Variants in GALNT10 observed in about 807,000 individuals in gnomAD.
GALNT10 encodes the protein polypeptide N-acetylgalactosaminyltransferase 10.
A neutral mutation model predicts 75.0 loss-of-function variants in GALNT10; 41 were observed. The observed-to-expected ratio is 0.55, with a 90% CI of 0.43 to 0.71. The LOEUF (loss-of-function observed/expected upper bound fraction) is 0.71, where lower values mean the gene tolerates loss of function less well. Ranked by LOEUF, GALNT10 falls within the 30% of genes least tolerant of loss-of-function variation. The probability of loss-of-function intolerance (pLI) is 0.00; values close to 1 mark genes in which losing one functional copy is unlikely to be tolerated. For missense variants in GALNT10, 727 were observed against 818.5 expected (o/e 0.89, Z 1.36); for synonymous variants, 302 against 313.0 (o/e 0.96, Z 0.37).
rs1756539651 is a variant in GALNT10 at position 154,417,535 on chromosome 5, G to C, written c.*563G>C. 1.3e-5 allele frequency: 2 copies of C among 153,938 alleles called. No individual in the cohort carries two copies. The highest frequency in any genetic ancestry group is 1.3e-4 in the Admixed American group (2 of 15,676). 9.5% of individuals were successfully genotyped at this position (153,938 alleles called of 1,614,324 possible). A position where few individuals can be genotyped will look rare whatever the true frequency, so the allele number is the denominator to read the frequency against. On this transcript the variant is annotated 3_prime_UTR_variant, in exon 12 of 12. Coordinates refer to ENST00000297107, the MANE Select transcript of GALNT10 (RefSeq NM_198321.4). Reference sequence around the variant, plus strand: ...GCTTCTGTTCTCTGTCACAACCCCAGGTGATTTGGTCCGGTCAAAGGCCAT... The same window carrying C: ...GCTTCTGTTCTCTGTCACAACCCCACGTGATTTGGTCCGGTCAAAGGCCAT...
At chr5:154,358,926 A>C in intron 4 of GALNT10, among the ~76,000 whole-genome samples, 1 of 152,266 alleles carries the variant, frequency 6.6e-6, no homozygotes, top group South Asian at 2.1e-4. Context: ...CCCCTGCCTC[A>C]TTGAATATGC....
chr5:154,363,736 A>G (rs929727743), intron 4 of GALNT10, among the ~76,000 whole-genome samples: 2 of 152,242 alleles, frequency 1.3e-5, no homozygotes, highest in Admixed American at 6.5e-5. Flanking sequence ...CATTTTATTG[A>G]TAAATATCCT....
chr5:154,401,235 C>T (rs928599950), intron 7 of GALNT10, among the ~76,000 whole-genome samples: 19 of 152,200 alleles, frequency 1.2e-4, no homozygotes, highest in Admixed American at 9.8e-4. Context: ...GTGCCTCTGC[C>T]AAGCAGAGCT....
intron 1 of GALNT10, among the ~76,000 whole-genome samples, chr5:154,222,508 G>GAT (rs890599104): frequency 2.6e-5 from 4 of 152,000 alleles, no homozygotes; most frequent in African/African-American, 4.8e-5. Context: ...TGGATTGTAT[G>GAT]GTATATATAT....
rs140190786 is a variant in GALNT10 at position 154,217,847 on chromosome 5, T to A, written c.159+26822T>A. 70 of 215,690 alleles carry A rather than the reference T, an allele frequency of 3.2e-4. 1 individual carries two copies. The East Asian group carries it at 0.012, about 37-fold the overall frequency. 13.4% of individuals were successfully genotyped at this position (215,690 alleles called of 1,614,324 possible). On this transcript the variant is annotated intron_variant, in intron 1 of 11. Transcript: ENST00000297107. ...AGACTGTATGGAGAGGGCTTGTGCC[T>A]TGCACATTGTAAGAGCTCAAAAATA...
In GALNT10 at chr5:154,310,885, A is replaced by G. The variant is rs550592028; in HGVS notation, c.401+12806A>G. On this transcript the variant is annotated intron_variant, in intron 3 of 11. Transcript: ENST00000297107. ...TAACAGTTATTGATCCATTGGACCT[A>G]ATATTGAGATTTAAAGGTGCTCATA... Among the ~76,000 whole-genome samples, 134 of 152,342 alleles carry G rather than the reference A, an allele frequency of 8.8e-4. 1 individual carries two copies. Among genetic ancestry groups the G allele is most frequent in the African/African-American group, 3.1e-3 (127 of 41,584 alleles).
At chr5:154,324,754 G>T (rs1754731453) in intron 3 of GALNT10, among the ~76,000 whole-genome samples, 1 of 152,120 alleles carries the variant, frequency 6.6e-6, no homozygotes, top group Non-Finnish European at 1.5e-5. Context: ...AGAACCTCTC[G>T]GTGATGCTAC....
Position 154,207,678 on chromosome 5 carries a change from G to A in GALNT10, c.159+16653G>A, listed in dbSNP as rs866865597. On this transcript the variant is annotated intron_variant, in intron 1 of 11. Transcript: ENST00000297107. ...GGATGGTTTAGCCAGACAGGGAAAT[G>A]GCTGGGCAGGGGGTGGGTAGTGAAG... Among the ~76,000 whole-genome samples, 14 of 152,282 alleles carry A rather than the reference G, an allele frequency of 9.2e-5. 1 individual carries two copies. The South Asian group carries it at 2.5e-3, about 27-fold the overall frequency.
At chr5:154,217,402 G>A (rs1398368229) in intron 1 of GALNT10, among the ~76,000 whole-genome samples, 1 of 152,150 alleles carries the variant, frequency 6.6e-6, no homozygotes, top group Non-Finnish European at 1.5e-5. Flanking sequence ...TACAGGGTTT[G>A]TTGTGAGGGG....
At position 154,221,642 on chromosome 5, in the gene GALNT10, A is replaced by G. The variant is rs570272174; in HGVS notation, c.159+30617A>G. Among the ~76,000 whole-genome samples the G allele has an allele frequency of 1.4e-4, 22 of 152,348 alleles. No individual in the cohort carries two copies. The South Asian group carries it at 4.6e-3, about 32-fold the overall frequency. On this transcript the variant is annotated intron_variant, in intron 1 of 11. Transcript: ENST00000297107. ...AGGAAAAGGAAAAAAAACCACAGGA[A>G]TGCAACCTGACATCTCTCTCAGGCT...
chr5:154,225,094 TTTTG>T (rs1753041098), intron 1 of GALNT10, among the ~76,000 whole-genome samples: 1 of 150,856 alleles, frequency 6.6e-6, no homozygotes, highest in Admixed American at 6.6e-5. Context: ...TTTGGGGTTT[TTTTG>T]TTTGTTTTTT....
intron 4 of GALNT10, among the ~76,000 whole-genome samples, chr5:154,339,161 C>G (rs1178540667): frequency 1.3e-5 from 2 of 152,162 alleles, no homozygotes; most frequent in Non-Finnish European, 1.5e-5. Context: ...GCTTACCTAC[C>G]CTCATAATCA....
intron 3 of GALNT10, among the ~76,000 whole-genome samples, chr5:154,327,517 A>T (rs1754773100): frequency 6.6e-6 from 1 of 152,232 alleles, no homozygotes; most frequent in Admixed American, 6.5e-5. Flanking sequence ...CCTTTTGGCT[A>T]AAGATGGGTT....
intron 1 of GALNT10, among the ~76,000 whole-genome samples, chr5:154,234,690 T>C (rs1243863728): frequency 6.6e-6 from 1 of 152,244 alleles, no homozygotes; most frequent in Non-Finnish European, 1.5e-5. Context: ...GACCAGTGCA[T>C]ATGCACAGGG....
chr5:154,213,942 A>G (rs765450503), intron 1 of GALNT10, among the ~76,000 whole-genome samples: 20 of 152,118 alleles, frequency 1.3e-4, no homozygotes, highest in Non-Finnish European at 2.6e-4. Context: ...TCTCTTTTGC[A>G]AGAAGGACAT....
chr5:154,289,680 T>C (rs1054143269), intron 1 of GALNT10, among the ~76,000 whole-genome samples: 5 of 152,234 alleles, frequency 3.3e-5, no homozygotes, highest in Admixed American at 1.3e-4. Context: ...TAGAATCACA[T>C]GGAGAATGTG....
At chr5:154,341,027 CTT>C (rs1332847668) in intron 4 of GALNT10, among the ~76,000 whole-genome samples, 1 of 151,894 alleles carries the variant, frequency 6.6e-6, no homozygotes. Context: ...CTCTTTTTCT[CTT>C]GTTTTACTGT....
intron 1 of GALNT10, among the ~76,000 whole-genome samples, chr5:154,240,469 G>C (rs146282546): frequency 9.2e-5 from 14 of 152,248 alleles, no homozygotes; most frequent in Non-Finnish European, 1.8e-4. Context: ...ACACAATTTT[G>C]TGGACTTCTC....
chr5:154,290,222 G>A (rs1322270700), intron 1 of GALNT10, among the ~76,000 whole-genome samples: 1 of 147,568 alleles, frequency 6.8e-6, no homozygotes, highest in East Asian at 2.0e-4. Context: ...CTCCCAAATA[G>A]CTGGGATTAT....
Sources: gnomAD v4.1 joint callset for allele counts (sites outside exome capture counted in the v4.1 genomes callset) on GRCh38, gnomAD v4.1.1 for gene constraint, MANE v1.5 for transcripts, NCBI Gene and HGNC (gene_info 2026-07-23, HGNC 2026-07-21) for gene names.